Variants in CHMP1A observed in about 807,000 individuals in gnomAD.
The protein encoded by CHMP1A is charged multivesicular body protein 1A, also known as VPS46 homolog A.
CHMP1A carries 17 observed loss-of-function variants against 27.0 expected under a neutral mutation model. That is an observed-to-expected ratio of 0.63 (90% CI 0.43 to 0.95). CHMP1A has a LOEUF of 0.95. Ranked by LOEUF, CHMP1A falls within the 40% of genes least tolerant of loss-of-function variation. CHMP1A has a pLI of 0.00. For missense variants in CHMP1A, 275 were observed against 264.0 expected, an observed-to-expected ratio of 1.04 and a Z score of -0.29; for synonymous variants, 131 against 107.5, an observed-to-expected ratio of 1.22 and a Z score of -1.35.
intron 2 of CHMP1A, among the ~76,000 whole-genome samples, chr16:89,653,506 C>G (rs1285465232): frequency 6.6e-6 from 1 of 150,568 alleles, no homozygotes; most frequent in Non-Finnish European, 1.5e-5. Context: ...GCCTGTAGTC[C>G]CAGCTACTCA....
chr16:89,652,431 T>C (rs1039178694), intron 2 of CHMP1A, among the ~76,000 whole-genome samples: 2 of 136,978 alleles, frequency 1.5e-5, no homozygotes, highest in Non-Finnish European at 3.1e-5. Flanking sequence ...CACCAGCACC[T>C]CGAGGAAACA....
At chr16:89,650,168 T>C (rs2059813067) in intron 3 of CHMP1A, among the ~76,000 whole-genome samples, 1 of 152,212 alleles carries the variant, frequency 6.6e-6, no homozygotes, top group Non-Finnish European at 1.5e-5. Flanking sequence ...CACAAGATCC[T>C]ACCTTCTTTT....
At chr16:89,649,721 G>C in intron 3 of CHMP1A, 1 of 508,652 alleles carries the variant, frequency 2.0e-6, no homozygotes, top group Admixed American at 3.8e-5. Flanking sequence ...GACTACAGGC[G>C]CCCGCCACCA....
intron 1 of CHMP1A, among the ~76,000 whole-genome samples, chr16:89,655,649 G>A (rs940101644): frequency 5.3e-5 from 8 of 150,598 alleles, no homozygotes; most frequent in South Asian, 2.1e-4. Flanking sequence ...TTTTTGAGAC[G>A]GAGTCTCACT....
rs1215856921 is a variant in CHMP1A at position 89,646,621 on chromosome 16, G to A, written c.475C>T (p.Leu159=). 1 of 1,608,372 alleles carries A rather than the reference G, an allele frequency of 6.2e-7. No homozygotes were observed. ...TGGCTGAGCTGGTCCAGCACCTCCA[G>A]GCCATTCTCCTCGGCGATCTGCATG... ...LIMQIAEENG[L]EVLDQLSQLP... Residue 159 remains leucine (L), a synonymous_variant, in exon 6 of 7, where the codon CTG becomes TTG. Transcript: ENST00000397901.
chr16:89,645,469 A>G lies in CHMP1A; in HGVS notation c.*597T>C. On this transcript the variant is annotated 3_prime_UTR_variant, in exon 7 of 7. Transcript: ENST00000397901. Reference sequence around the variant, plus strand: ...CTTTGGGAACTGAGGGAAGTGAGGGAGCGCAGGAGGCCAGGGGGCTCAGCC... The same window carrying G: ...CTTTGGGAACTGAGGGAAGTGAGGGGGCGCAGGAGGCCAGGGGGCTCAGCC... 6.0e-6 allele frequency: 1 copy of G among 167,698 alleles called. No individual in the cohort carries two copies. The highest frequency in any genetic ancestry group is 1.3e-5 in the Non-Finnish European group (1 of 76,558). 10.4% of individuals were successfully genotyped at this position (167,698 alleles called of 1,614,324 possible).
chr16:89,647,868 C>T (rs1202405698), intron 4 of CHMP1A, among the ~76,000 whole-genome samples: 2 of 19,118 alleles, frequency 1.0e-4, no homozygotes, highest in African/African-American at 4.0e-4. Flanking sequence ...AGACCCAGCG[C>T]GGGGTCCGTG....
Position 89,644,794 on chromosome 16 carries a change from G to A in CHMP1A, c.*1272C>T, listed in dbSNP as rs1394937695. ...TGCAGCCTCAGCATGGGCTGCACGG[G>A]GTGGGCAGGACTGAGGAGGGGAGGG... On this transcript the variant is annotated 3_prime_UTR_variant, in exon 7 of 7. Transcript: ENST00000397901. The A allele has an allele frequency of 6.6e-6, 1 of 152,472 alleles. No homozygotes were observed. The highest frequency in any genetic ancestry group is 1.9e-4 in the East Asian group (1 of 5,198). 9.4% of individuals were successfully genotyped at this position (152,472 alleles called of 1,614,324 possible).
At chr16:89,646,146 G>T in intron 6 of CHMP1A, 59 bp from the exon 7 acceptor site, 1 of 1,461,696 alleles carries the variant, frequency 6.8e-7, no homozygotes, top group Middle Eastern at 2.5e-4. Context: ...TGACCACCAC[G>T]TGCTCCCAGC....
chr16:89,647,656 C>A (rs11641797), intron 4 of CHMP1A, among the ~76,000 whole-genome samples: 1 of 14,234 alleles, frequency 7.0e-5, no homozygotes, highest in Admixed American at 6.4e-4. Context: ...GGGGACCCAG[C>A]GCGGGGTCGG....
Position 89,657,575 on chromosome 16 carries a change from C to T in CHMP1A, c.7+7G>A. The T allele has an allele frequency of 1.2e-6, 2 of 1,611,094 alleles. No homozygotes were observed. Among genetic ancestry groups the T allele is most frequent in the Non-Finnish European group, 1.7e-6 (2 of 1,179,214 alleles). ...CGAGTCCCCGGAGGACGGCCGCGACCTCTTACCGTCCATGGCCACAATGAC... is the reference window on the plus strand; with the variant it reads ...CGAGTCCCCGGAGGACGGCCGCGACTTCTTACCGTCCATGGCCACAATGAC... On this transcript the variant is annotated splice_region_variant and intron_variant, in intron 1 of 6. Coordinates refer to ENST00000397901, the MANE Select transcript of CHMP1A (RefSeq NM_002768.5).
At chr16:89,647,081 G>A (rs942145973) in intron 5 of CHMP1A, 122 bp downstream of exon 5, 103 of 1,534,794 alleles carry the variant, frequency 6.7e-5, no homozygotes, top group Admixed American at 1.8e-4. Context: ...GCTTGGTGAC[G>A]TCAGGGAGCA....
At chr16:89,646,143 C>T in intron 6 of CHMP1A, 56 bp from the exon 7 acceptor site, 1 of 1,464,616 alleles carries the variant, frequency 6.8e-7, no homozygotes. Flanking sequence ...CTCTGACCAC[C>T]ACGTGCTCCC....
chr16:89,646,119 C>A, intron 6 of CHMP1A, 32 bp from the exon 7 acceptor site: 2 of 1,520,686 alleles, frequency 1.3e-6, no homozygotes, highest in Admixed American at 2.1e-5. Flanking sequence ...CGGGTCAGGG[C>A]AGGGGAAGGG....
intron 5 of CHMP1A, 190 bp from the exon 6 acceptor site, chr16:89,646,904 CCT>C (rs1491562445): frequency 3.8e-6 from 3 of 796,582 alleles, no homozygotes; most frequent in South Asian, 1.7e-5. Context: ...CCAGCCCCAC[CCT>C]CTGACTGTGC....
intron 2 of CHMP1A, 56 bp downstream of exon 2, chr16:89,653,848 T>C (rs1597791607): frequency 6.3e-7 from 1 of 1,576,378 alleles, no homozygotes; most frequent in East Asian, 2.2e-5. Context: ...GAGCGTGGCT[T>C]ATACTATCTG....
Position 89,645,962 on chromosome 16 carries a change from C to T in CHMP1A, c.*104G>A, listed in dbSNP as rs750329191. The T allele has an allele frequency of 3.1e-5, 50 of 1,610,942 alleles. No individual in the cohort carries two copies. Among genetic ancestry groups the T allele is most frequent in the Middle Eastern group, 3.3e-4 (2 of 5,998 alleles). On this transcript the variant is annotated 3_prime_UTR_variant, in exon 7 of 7. Transcript: ENST00000397901. ...GTGAGAGACGCAGAGTGGCTGCCGGCCGCAGCCCCGCGGGGTCAGCACAAA... is the reference window on the plus strand; with the variant it reads ...GTGAGAGACGCAGAGTGGCTGCCGGTCGCAGCCCCGCGGGGTCAGCACAAA...
intron 1 of CHMP1A, among the ~76,000 whole-genome samples, chr16:89,654,727 G>A (rs113974432): frequency 6.6e-6 from 1 of 152,098 alleles, no homozygotes; most frequent in Non-Finnish European, 1.5e-5. Context: ...CGGAACATGA[G>A]GTCAGGAGAT....
chr16:89,647,782 C>T lies in CHMP1A; in HGVS notation c.253-451G>A, dbSNP rs71396943. On this transcript the variant is annotated intron_variant, in intron 4 of 6. Coordinates refer to ENST00000397901, the MANE Select transcript of CHMP1A (RefSeq NM_002768.5). ...AAAGGCCGCCGACGTGGAGACCCAG[C>T]GCGGGGTCGGTGGAGAAAAGGCCGC... 2.8e-3 allele frequency among the ~76,000 whole-genome samples: 9 copies of T among 3,204 alleles called. No individual in the cohort carries two copies. In the African/African-American group the frequency reaches 0.053, roughly 19 times the overall value. The allele number at this position is 3,204 out of a possible 152,430, so 2.1% of individuals were successfully genotyped here.
Sources: allele counts gnomAD v4.1 joint callset (sites outside exome capture counted in the v4.1 genomes callset), GRCh38; gene constraint gnomAD v4.1.1; transcripts MANE v1.5; gene names NCBI Gene and HGNC (gene_info 2026-07-23, HGNC 2026-07-21).